PTPRR: variants seen among roughly 807,000 people sequenced by gnomAD.
PTPRR encodes receptor-type tyrosine-protein phosphatase R.
Under a neutral mutation model 77.2 loss-of-function variants are expected in PTPRR, and 38 were observed. That is an observed-to-expected ratio of 0.49 (90% CI 0.38 to 0.65). PTPRR has a LOEUF of 0.65. PTPRR is among the 30% of genes least tolerant of loss of function. The pLI is 0.00. For synonymous variants in PTPRR, 299 were observed against 283.1 expected (o/e 1.06, Z -0.57); for missense variants, 744 against 799.2 (o/e 0.93, Z 0.83).
intron 6 of PTPRR, among the ~76,000 whole-genome samples, chr12:70,738,948 C>T (rs931812058): frequency 2.0e-5 from 3 of 152,112 alleles, no homozygotes; most frequent in African/African-American, 4.8e-5. Context: ...TACCTGGACT[C>T]GCCATGAGAA....
At chr12:70,780,792 T>C (rs1003125067) in intron 2 of PTPRR, among the ~76,000 whole-genome samples, 2 of 152,218 alleles carry the variant, frequency 1.3e-5, no homozygotes, top group South Asian at 4.1e-4. Flanking sequence ...GGATTCTTCC[T>C]CTTGTCAGTC....
Position 70,695,021 on chromosome 12 carries a change from A to G in PTPRR, c.1279+3244T>C, listed in dbSNP as rs185772825. On this transcript the variant is annotated intron_variant, in intron 8 of 13. Transcript: ENST00000283228. ...TTACACTGCAAAATAATTTGATATAAACTTGACTTTAGCATTTTAATCTCA... is the reference window on the plus strand; with the variant it reads ...TTACACTGCAAAATAATTTGATATAGACTTGACTTTAGCATTTTAATCTCA... Among the ~76,000 whole-genome samples, 3 of 152,262 alleles carry G rather than the reference A, an allele frequency of 2.0e-5. No individual in the cohort carries two copies. The East Asian group carries it at 5.8e-4, about 29-fold the overall frequency.
chr12:70,890,957 T>C (rs1893325090), intron 2 of PTPRR, among the ~76,000 whole-genome samples: 1 of 151,988 alleles, frequency 6.6e-6, no homozygotes. Context: ...ATTTAAAAAA[T>C]AACCCTGCCT....
intron 2 of PTPRR, among the ~76,000 whole-genome samples, chr12:70,772,194 C>G (rs1004074272): frequency 2.0e-5 from 3 of 152,088 alleles, no homozygotes; most frequent in Non-Finnish European, 4.4e-5. Context: ...TCTTATAATA[C>G]TTAATTCACT....
chr12:70,784,447 C>T (rs1891277265), intron 2 of PTPRR, among the ~76,000 whole-genome samples: 1 of 152,184 alleles, frequency 6.6e-6, no homozygotes, highest in African/African-American at 2.4e-5. Flanking sequence ...CCCTGTCTCT[C>T]CGGAGCTCCC....
intron 2 of PTPRR, among the ~76,000 whole-genome samples, chr12:70,859,992 G>A (rs116789419): frequency 0.015 from 2,216 of 151,496 alleles, 65 homozygotes; most frequent in African/African-American, 0.05. Flanking sequence ...TTTTTATTAT[G>A]TACCCACTCC....
chr12:70,814,898 C>T (rs991749687), intron 2 of PTPRR, among the ~76,000 whole-genome samples: 4 of 151,642 alleles, frequency 2.6e-5, no homozygotes, highest in African/African-American at 9.7e-5. Flanking sequence ...TATTTGGCAC[C>T]CAACAAGGTA....
chr12:70,753,363 G>T (rs1890463680), intron 5 of PTPRR, among the ~76,000 whole-genome samples: 1 of 152,074 alleles, frequency 6.6e-6, no homozygotes, highest in Non-Finnish European at 1.5e-5. Flanking sequence ...TAAGGAAGAA[G>T]TATTTATTTA....
intron 4 of PTPRR, chr12:70,754,809 C>A: frequency 1.4e-5 from 19 of 1,333,430 alleles, no homozygotes; most frequent in East Asian, 2.8e-5. Context: ...CTTTTAATCA[C>A]ATCTTTTTTT....
intron 2 of PTPRR, among the ~76,000 whole-genome samples, chr12:70,848,220 T>G (rs1019392913): frequency 2.6e-5 from 4 of 152,232 alleles, no homozygotes; most frequent in Non-Finnish European, 5.9e-5. Context: ...ACAATCGTAC[T>G]AGCACTGAAT....
At chr12:70,863,229 A>G (rs1297360839) in intron 2 of PTPRR, among the ~76,000 whole-genome samples, 2 of 152,194 alleles carry the variant, frequency 1.3e-5, no homozygotes, top group Admixed American at 1.3e-4. Context: ...AAACATGACT[A>G]TATAACTATG....
intron 6 of PTPRR, among the ~76,000 whole-genome samples, chr12:70,708,266 T>C (rs1054919408): frequency 1.3e-5 from 2 of 152,128 alleles, no homozygotes; most frequent in Admixed American, 1.3e-4. Context: ...CGTGGATGAA[T>C]AGTTGCAAAT....
At chr12:70,776,566 C>T (rs974942519) in intron 2 of PTPRR, among the ~76,000 whole-genome samples, 1 of 152,134 alleles carries the variant, frequency 6.6e-6, no homozygotes, top group Non-Finnish European at 1.5e-5. Context: ...TAACCTCTTA[C>T]ACCTTTCCAC....
rs550921552 is a variant in PTPRR at position 70,769,437 on chromosome 12, G to C, written c.358-4659C>G. 1.1e-3 allele frequency among the ~76,000 whole-genome samples: 164 copies of C among 152,258 alleles called. 1 individual carries two copies. The highest frequency in any genetic ancestry group is 3.9e-3 in the African/African-American group (160 of 41,528). Reference sequence around the variant, plus strand: ...TGCTTCAAAGAATATAAAATACTTAGGAATCCAACTTACAAGGGACGTGAA... The same window carrying C: ...TGCTTCAAAGAATATAAAATACTTACGAATCCAACTTACAAGGGACGTGAA... On this transcript the variant is annotated intron_variant, in intron 2 of 13. Coordinates refer to ENST00000283228, the MANE Select transcript of PTPRR (RefSeq NM_002849.4).
chr12:70,777,445 T>C (rs1197505076), intron 2 of PTPRR, among the ~76,000 whole-genome samples: 1 of 152,168 alleles, frequency 6.6e-6, no homozygotes, highest in Admixed American at 6.5e-5. Context: ...TTATAAAATT[T>C]AGGAAGTATT....
chr12:70,757,052 G>T (rs1321376634), intron 4 of PTPRR, among the ~76,000 whole-genome samples: 3 of 152,156 alleles, frequency 2.0e-5, no homozygotes, highest in African/African-American at 7.2e-5. Flanking sequence ...TGTTCTGAAT[G>T]GTCGAATACA....
chr12:70,679,126 T>G (rs184837666), intron 10 of PTPRR, among the ~76,000 whole-genome samples: 5 of 152,230 alleles, frequency 3.3e-5, no homozygotes, highest in African/African-American at 9.6e-5. Flanking sequence ...ATGCTGTCTT[T>G]CTATTTGTCT....
intron 2 of PTPRR, 52 bp from the exon 3 acceptor site, chr12:70,764,830 A>G (rs771125910): frequency 1.6e-4 from 206 of 1,294,018 alleles, no homozygotes; most frequent in Non-Finnish European, 2.1e-4. Flanking sequence ...ATTTGTATAG[A>G]TGTATAGAAT....
chr12:70,640,933 T>C (rs1885974502), intron 13 of PTPRR, among the ~76,000 whole-genome samples: 1 of 152,232 alleles, frequency 6.6e-6, no homozygotes, highest in African/African-American at 2.4e-5. Flanking sequence ...AGCAACTTAT[T>C]GACAGAAGTA....
Sources: gnomAD v4.1 joint callset for allele counts (sites outside exome capture counted in the v4.1 genomes callset) on GRCh38, gnomAD v4.1.1 for gene constraint, MANE v1.5 for transcripts, NCBI Gene and HGNC (gene_info 2026-07-23, HGNC 2026-07-21) for gene names.